Variants in XRRA1 observed in about 807,000 individuals in gnomAD.
The protein encoded by XRRA1 is X-ray radiation resistance associated 1, also known as X-ray radiation resistance-associated protein 1.
XRRA1 carries 69 observed loss-of-function variants against 80.2 expected under a neutral mutation model. That is an observed-to-expected ratio of 0.86 (90% CI 0.71 to 1.05). XRRA1 has a LOEUF of 1.05. Ranked by LOEUF, XRRA1 falls within the 50% of genes least tolerant of loss-of-function variation. The pLI is 0.00. For synonymous variants in XRRA1, 348 were observed against 389.9 expected, an observed-to-expected ratio of 0.89 and a Z score of 1.27; for missense variants, 967 against 976.4, an observed-to-expected ratio of 0.99 and a Z score of 0.13.
At chr11:74,872,552 G>A (rs1360361589) in intron 10 of XRRA1, among the ~76,000 whole-genome samples, 1 of 151,908 alleles carries the variant, frequency 6.6e-6, no homozygotes, top group African/African-American at 2.4e-5. Context: ...TGCTACCAGT[G>A]TGGCAAGTCA....
intron 10 of XRRA1, among the ~76,000 whole-genome samples, chr11:74,891,549 GC>G (rs1265834056): frequency 6.6e-6 from 1 of 152,178 alleles, no homozygotes; most frequent in African/African-American, 2.4e-5. Flanking sequence ...GGAAGTTCTG[GC>G]CAGGGCAATC....
Position 74,844,270 on chromosome 11 carries a change from A to C in XRRA1, c.1941T>G (p.Asn647Lys), listed in dbSNP as rs1426056977. 2 of 1,612,694 alleles carry C rather than the reference A, an allele frequency of 1.2e-6. No homozygotes were observed. The highest frequency in any genetic ancestry group is 8.5e-7 in the Non-Finnish European group (1 of 1,179,668). Residue 647 changes from asparagine (N) to lysine (K), a missense_variant, in exon 17 of 19, where the codon AAT becomes AAG. Asn to Lys is a moderately conservative substitution (Grantham distance 94, BLOSUM62 0). Transcript: ENST00000684022. ...AFIEPKGIQKNAQALQQMLKH... is the reference protein window; with the variant it reads ...AFIEPKGIQKKAQALQQMLKH... ...TCAGCATTTGTTGCAGGGCTTGTGCATTCTTCTGGATTCCTAGGGCAAGAA... is the reference window on the plus strand; with the variant it reads ...TCAGCATTTGTTGCAGGGCTTGTGCCTTCTTCTGGATTCCTAGGGCAAGAA...
At chr11:74,889,221 C>A (rs895438093) in intron 10 of XRRA1, among the ~76,000 whole-genome samples, 4 of 152,166 alleles carry the variant, frequency 2.6e-5, no homozygotes, top group Non-Finnish European at 5.9e-5. Flanking sequence ...AGAAACTCTA[C>A]AAGCCAGAAG....
At chr11:74,907,715 C>A (rs2054946058) in intron 8 of XRRA1, among the ~76,000 whole-genome samples, 1 of 152,122 alleles carries the variant, frequency 6.6e-6, no homozygotes, top group South Asian at 2.1e-4. Context: ...TTGTTATAGA[C>A]CACAGCTTTG....
chr11:74,944,877 G>A (rs1947180425), intron 2 of XRRA1, 141 bp downstream of exon 2: 1 of 152,564 alleles, frequency 6.6e-6, no homozygotes, highest in South Asian at 2.1e-4. Flanking sequence ...ATGAAAGAAT[G>A]AATGAGTAAC....
At chr11:74,879,941 C>G (rs1000493545) in intron 10 of XRRA1, among the ~76,000 whole-genome samples, 1 of 151,934 alleles carries the variant, frequency 6.6e-6, no homozygotes, top group African/African-American at 2.4e-5. Flanking sequence ...TTTGCTGTGT[C>G]TCTGCCTGGC....
At chr11:74,945,198 T>C (rs1372009523) in intron 1 of XRRA1, 113 bp from the exon 2 acceptor site, 1 of 152,488 alleles carries the variant, frequency 6.6e-6, no homozygotes, top group African/African-American at 2.4e-5. Context: ...TTGCCTTTAG[T>C]CCTTGCCCGT....
intron 10 of XRRA1, chr11:74,876,157 C>G (rs1486049148): frequency 6.6e-6 from 1 of 152,182 alleles, no homozygotes; most frequent in Non-Finnish European, 1.5e-5. Flanking sequence ...TTGCTTAAGA[C>G]AGCTGTCACA....
chr11:74,887,674 CAAAG>C (rs1321590743), intron 10 of XRRA1, among the ~76,000 whole-genome samples: 4 of 152,150 alleles, frequency 2.6e-5, no homozygotes, highest in African/African-American at 7.2e-5. Flanking sequence ...CTTTCCTACT[CAAAG>C]AAAGGGGTGA....
chr11:74,932,891 G>T (rs1406319048), intron 5 of XRRA1, among the ~76,000 whole-genome samples: 2 of 152,190 alleles, frequency 1.3e-5, no homozygotes, highest in East Asian at 3.8e-4. Flanking sequence ...TGGCCATCCT[G>T]TGGGTTAGAG....
chr11:74,888,682 C>T (rs1049648168), intron 10 of XRRA1, among the ~76,000 whole-genome samples: 2 of 152,246 alleles, frequency 1.3e-5, no homozygotes, highest in Non-Finnish European at 1.5e-5. Flanking sequence ...AAGAATTAGA[C>T]GAATGACTAA....
intron 7 of XRRA1, among the ~76,000 whole-genome samples, 152 bp downstream of exon 7, chr11:74,927,238 AC>A (rs1370226951): frequency 1.1e-5 from 1 of 87,246 alleles, no homozygotes. Context: ...TACAACCCCC[AC>A]CCCCACCCTC....
chr11:74,906,411 T>C lies in XRRA1; in HGVS notation c.831A>G (p.Pro277=). ...CATAGAGCTGAACTTGCTGTAGGTATGGGATCCTGATAATCCTGTTTTCAT... is the reference window on the plus strand; with the variant it reads ...CATAGAGCTGAACTTGCTGTAGGTACGGGATCCTGATAATCCTGTTTTCAT... The part of the protein sequence containing the change: ...SLDENRIIRI[P]YLQQVQLYDE... Residue 277 remains proline, a synonymous_variant, in exon 10 of 19, where the codon CCA becomes CCG. Coordinates refer to ENST00000684022, the MANE Select transcript of XRRA1 (RefSeq NM_001378157.1). 3 of 1,614,010 alleles carry C rather than the reference T, an allele frequency of 1.9e-6. No homozygotes were observed. Among genetic ancestry groups the C allele is most frequent in the Non-Finnish European group, 2.5e-6 (3 of 1,179,892 alleles).
intron 15 of XRRA1, among the ~76,000 whole-genome samples, chr11:74,847,380 C>T (rs568597393): frequency 6.6e-6 from 1 of 152,216 alleles, no homozygotes; most frequent in East Asian, 1.9e-4. Context: ...CAAGGGGGCC[C>T]TGCCAACTCT....
chr11:74,848,956 T>C (rs1397944159), intron 14 of XRRA1, among the ~76,000 whole-genome samples: 1 of 152,236 alleles, frequency 6.6e-6, no homozygotes, highest in African/African-American at 2.4e-5. Context: ...ACCAGGCCCC[T>C]TTCAGGATGC....
At chr11:74,877,525 A>G (rs71465937) in intron 10 of XRRA1, among the ~76,000 whole-genome samples, 2,259 of 151,820 alleles carry the variant, frequency 0.015, 33 homozygotes, top group Middle Eastern at 0.031. Flanking sequence ...GGTTAGTTAC[A>G]TATGTATACA....
At chr11:74,929,284 CTCTG>C (rs1271333447) in intron 6 of XRRA1, among the ~76,000 whole-genome samples, 2 of 152,040 alleles carry the variant, frequency 1.3e-5, no homozygotes, top group Non-Finnish European at 2.9e-5. Context: ...CCTCCTAAAT[CTCTG>C]TCTGTCTCTC....
chr11:74,898,273 CA>C (rs1424831374), intron 10 of XRRA1, among the ~76,000 whole-genome samples: 1 of 151,692 alleles, frequency 6.6e-6, no homozygotes, highest in African/African-American at 2.4e-5. Flanking sequence ...GATGGATACA[CA>C]AAAAATAAAA....
At chr11:74,881,369 G>A (rs889852650) in intron 10 of XRRA1, among the ~76,000 whole-genome samples, 13 of 151,160 alleles carry the variant, frequency 8.6e-5, no homozygotes, top group Non-Finnish European at 1.8e-4. Flanking sequence ...CTGCACATGA[G>A]ATGGGTTTCC....
Sources: gnomAD v4.1 joint callset for allele counts (sites outside exome capture counted in the v4.1 genomes callset) on GRCh38, gnomAD v4.1.1 for gene constraint, MANE v1.5 for transcripts, NCBI Gene and HGNC (gene_info 2026-07-23, HGNC 2026-07-21) for gene names.